The following ZKSCAN2 variants were observed in gnomAD, a reference collection of about 807,000 sequenced individuals.
ZKSCAN2 encodes zinc finger with KRAB and SCAN domains 2, also known as zinc finger protein with KRAB and SCAN domains 2.
Under a neutral mutation model 90.5 loss-of-function variants are expected in ZKSCAN2, and 38 were observed. The observed-to-expected ratio is 0.42, with a 90% CI of 0.32 to 0.55. The LOEUF (loss-of-function observed/expected upper bound fraction) is 0.55. Among genes scored for constraint, ZKSCAN2 ranks in the 20% least tolerant of loss-of-function variants. The pLI is 0.11. For synonymous variants in ZKSCAN2, 429 were observed against 421.6 expected (o/e 1.02, Z -0.22); for missense variants, 1,167 against 1,202.6 (o/e 0.97, Z 0.44).
rs557796121 is a variant in ZKSCAN2 at position 25,257,187 on chromosome 16, A to C, written c.-60T>G. ...AAGGTGGGGACCCAAAGAAGACTCC[A>C]AGCGCTCCCTGCTTAATGTTCCTGG... On this transcript the variant is annotated 5_prime_UTR_variant, in exon 1 of 7. Coordinates refer to ENST00000328086, the MANE Select transcript of ZKSCAN2 (RefSeq NM_001012981.5). 4.5e-5 allele frequency: 68 copies of C among 1,523,318 alleles called. No homozygotes were observed. In the Admixed American group the frequency reaches 1.5e-3, roughly 33 times the overall value. 94.4% of individuals were successfully genotyped at this position (1,523,318 alleles called of 1,614,324 possible).
rs1364393717 is a variant in ZKSCAN2 at position 25,237,375 on chromosome 16, AG to A, written c.*2440del. On this transcript the variant is annotated 3_prime_UTR_variant, in exon 7 of 7. Coordinates refer to ENST00000328086, the MANE Select transcript of ZKSCAN2 (RefSeq NM_001012981.5). ...CCCATTTACAATTAGGAGTAGAGAT[AG>A]GGGAACCCAAATTCCACCTCAGCTT... 3.9e-5 allele frequency: 6 copies of A among 152,350 alleles called. No individual in the cohort carries two copies. The highest frequency in any genetic ancestry group is 1.4e-4 in the African/African-American group (6 of 41,572). 9.4% of individuals were successfully genotyped at this position (152,350 alleles called of 1,614,324 possible).
rs1962951058 is a variant in ZKSCAN2 at position 25,247,397 on chromosome 16, T to C, written c.806-7A>G. 1 of 1,592,442 alleles carries C rather than the reference T, an allele frequency of 6.3e-7. No homozygotes were observed. Among genetic ancestry groups the C allele is most frequent in the Non-Finnish European group, 8.5e-7 (1 of 1,172,422 alleles). ...GATGTAGACACTGCACTTCCTACAG[T>C]AAAATAAACATATTTCATGGTAGAC... On this transcript the variant is annotated splice_polypyrimidine_tract_variant and splice_region_variant and intron_variant, in intron 4 of 6. Transcript: ENST00000328086.
In ZKSCAN2 at chr16:25,246,811, TCCA is replaced by T. The variant is rs767985862; in HGVS notation, c.1382_1384del (p.Val461del). ...AGAATCTTCTGCAGCTTCCTCCTCC[TCCA>T]CCAAGCTGATGTGTTCCTTAGCACT... On this transcript the variant is annotated inframe_deletion, in exon 5 of 7. Transcript: ENST00000328086. 1.1e-5 allele frequency: 18 copies of T among 1,614,062 alleles called. No individual in the cohort carries two copies. The highest frequency in any genetic ancestry group is 1.4e-5 in the Non-Finnish European group (17 of 1,180,036).
intron 4 of ZKSCAN2, among the ~76,000 whole-genome samples, chr16:25,248,887 C>G (rs1349744698): frequency 6.6e-6 from 1 of 152,182 alleles, no homozygotes; most frequent in African/African-American, 2.4e-5. Flanking sequence ...GATACGGAAG[C>G]AACCAGGAGG....
chr16:25,253,124 T>C, intron 2 of ZKSCAN2, 87 bp from the exon 3 acceptor site: 1 of 970,026 alleles, frequency 1.0e-6, no homozygotes, highest in Non-Finnish European at 1.7e-6. Context: ...GAGTATGTAT[T>C]GAAACACCAA....
rs890835588 is a variant in ZKSCAN2, at chr16:25,238,254, A to G, written c.*1562T>C. The stretch of plus-strand genomic sequence containing the variant: ...AGGGAGAGAGAAGAGCAAAATAATC[A>G]CCCACAAACAGCCCTAACTCCGGTT... On this transcript the variant is annotated 3_prime_UTR_variant, in exon 7 of 7. Coordinates refer to ENST00000328086, the MANE Select transcript of ZKSCAN2 (RefSeq NM_001012981.5). 1 of 152,212 alleles carries G rather than the reference A, an allele frequency of 6.6e-6. No homozygotes were observed. The highest frequency in any genetic ancestry group is 1.5e-5 in the Non-Finnish European group (1 of 68,014). 9.4% of individuals were successfully genotyped at this position (152,212 alleles called of 1,614,324 possible). A position where few individuals can be genotyped will look rare whatever the true frequency, so the allele number is the denominator to read the frequency against.
In ZKSCAN2 at chr16:25,240,690, T is replaced by C. The variant is rs745650819; in HGVS notation, c.2030A>G (p.Tyr677Cys). 4 of 1,614,034 alleles carry C rather than the reference T, an allele frequency of 2.5e-6. No homozygotes were observed. Among genetic ancestry groups the C allele is most frequent in the Admixed American group, 3.3e-5 (2 of 60,006 alleles). Reference protein sequence around the residue: ...SIKEDPTQIVYKDMEQHRALI... With the variant: ...SIKEDPTQIVCKDMEQHRALI... Reference sequence around the variant, plus strand: ...TGCCCTATGCTGTTCCATGTCCTTATATACTATCTGTGTTGGATCCTCCTT... The same window carrying C: ...TGCCCTATGCTGTTCCATGTCCTTACATACTATCTGTGTTGGATCCTCCTT... Residue 677 changes from tyrosine (Y) to cysteine (C), a missense_variant, in exon 7 of 7, where the codon TAT (tyrosine) becomes TGT (cysteine). Physicochemically the swap from Tyr to Cys is radical, Grantham distance 194. Coordinates refer to ENST00000328086, the MANE Select transcript of ZKSCAN2 (RefSeq NM_001012981.5).
At chr16:25,252,325 G>A (rs908834770) in intron 3 of ZKSCAN2, among the ~76,000 whole-genome samples, 2 of 152,076 alleles carry the variant, frequency 1.3e-5, no homozygotes, top group East Asian at 1.9e-4. Context: ...TTTACAGTAA[G>A]TAAAGTAAGT....
intron 6 of ZKSCAN2, among the ~76,000 whole-genome samples, chr16:25,243,334 C>CT (rs1232586527): frequency 6.6e-6 from 1 of 152,108 alleles, no homozygotes; most frequent in East Asian, 1.9e-4. Flanking sequence ...AGAACAGGAA[C>CT]TTTGTTTTTT....
In ZKSCAN2 at chr16:25,247,212, C is replaced by T. The variant is rs750294876; in HGVS notation, c.984G>A (p.Gln328=). Residue 328 remains glutamine, a synonymous_variant, in exon 5 of 7, where the codon CAG becomes CAA. Coordinates refer to ENST00000328086, the MANE Select transcript of ZKSCAN2 (RefSeq NM_001012981.5). ...TTTCATCTTCTAAACCCCACTGCTG[C>T]TGCTCTCTCCATGTTTTTCCTGCAC... is the stretch of plus-strand genomic sequence containing the variant. ...ARSAGKTWRE[Q]QQWGLEDEKI... is the part of the protein sequence containing the mutation. 1.9e-6 allele frequency: 3 copies of T among 1,614,226 alleles called. No homozygotes were observed. The highest frequency in any genetic ancestry group is 8.5e-7 in the Non-Finnish European group (1 of 1,180,034).
chr16:25,255,470 AAAG>A (rs1963087150), intron 1 of ZKSCAN2, 78 bp from the exon 2 acceptor site: 4 of 1,438,414 alleles, frequency 2.8e-6, no homozygotes, highest in Non-Finnish European at 3.7e-6. Context: ...GAAAGACATC[AAAG>A]AAGGACAGAG....
chr16:25,242,650 T>G (rs1051914773), intron 6 of ZKSCAN2, among the ~76,000 whole-genome samples: 1 of 152,104 alleles, frequency 6.6e-6, no homozygotes, highest in African/African-American at 2.4e-5. Flanking sequence ...AAGCTAAAGT[T>G]TGGATGTGAA....
intron 2 of ZKSCAN2, among the ~76,000 whole-genome samples, chr16:25,254,107 AG>A (rs1412886498): frequency 2.6e-5 from 4 of 152,362 alleles, no homozygotes; most frequent in Middle Eastern, 3.4e-3. Context: ...TGGCAGAGCT[AG>A]GTTTTGAATC....
chr16:25,255,542 CT>C, intron 1 of ZKSCAN2, 150 bp from the exon 2 acceptor site: 1 of 770,810 alleles, frequency 1.3e-6, no homozygotes, highest in Non-Finnish European at 2.0e-6. Context: ...GAGCGCTGGG[CT>C]GAGAGTACTG....
intron 4 of ZKSCAN2, among the ~76,000 whole-genome samples, chr16:25,248,650 T>C (rs114099831): frequency 0.011 from 1,675 of 152,096 alleles, 35 homozygotes; most frequent in African/African-American, 0.038. Flanking sequence ...GAGACAAAAA[T>C]AAGAAGTGTT....
chr16:25,253,439 CCTCTCTCT>C (rs151086073), intron 2 of ZKSCAN2, among the ~76,000 whole-genome samples: 10 of 144,566 alleles, frequency 6.9e-5, no homozygotes, highest in African/African-American at 1.5e-4. Flanking sequence ...TTTCTCCCTT[CCTCTCTCT>C]CTCTCTCTCT....
In ZKSCAN2 at chr16:25,237,209, A is replaced by ATTATTCATTTTGACT. The variant is rs544968779; in HGVS notation, c.*2592_*2606dup. ...TAAAAGACACATTGGTCAGAACATG[A>ATTATTCATTTTGACT]TTATTCATTTTGACTTACATGTACC... On this transcript the variant is annotated 3_prime_UTR_variant, in exon 7 of 7. Coordinates refer to ENST00000328086, the MANE Select transcript of ZKSCAN2 (RefSeq NM_001012981.5). 1.8e-4 allele frequency: 27 copies of ATTATTCATTTTGACT among 152,386 alleles called. No homozygotes were observed. In the East Asian group the frequency reaches 3.9e-3, roughly 22 times the overall value. The allele number at this position is 152,386 out of a possible 1,614,324, so 9.4% of individuals were successfully genotyped here.
Position 25,257,167 on chromosome 16 carries a change from G to A in ZKSCAN2, c.-40C>T, listed in dbSNP as rs750974611. The stretch of plus-strand genomic sequence containing the variant: ...GTCAACTTCACGTCTAGCTCAAGGT[G>A]GGGACCCAAAGAAGACTCCAAGCGC... On this transcript the variant is annotated 5_prime_UTR_variant, in exon 1 of 7. Transcript: ENST00000328086. 25 of 1,540,974 alleles carry A rather than the reference G, an allele frequency of 1.6e-5. No individual in the cohort carries two copies. The highest frequency in any genetic ancestry group is 1.1e-4 in the South Asian group (9 of 79,026).
chr16:25,257,174 C>T lies in ZKSCAN2; in HGVS notation c.-47G>A, dbSNP rs930602003. On this transcript the variant is annotated 5_prime_UTR_variant, in exon 1 of 7. Transcript: ENST00000328086. ...TCACGTCTAGCTCAAGGTGGGGACCCAAAGAAGACTCCAAGCGCTCCCTGC... is the reference window on the plus strand; with the variant it reads ...TCACGTCTAGCTCAAGGTGGGGACCTAAAGAAGACTCCAAGCGCTCCCTGC... 6.8e-7 allele frequency: 1 copy of T among 1,479,594 alleles called. No homozygotes were observed. The highest frequency in any genetic ancestry group is 1.3e-5 in the South Asian group (1 of 76,830). 91.7% of individuals were successfully genotyped at this position (1,479,594 alleles called of 1,614,324 possible). A position where few individuals can be genotyped will look rare whatever the true frequency, so the allele number is the denominator to read the frequency against.
Sources: allele counts gnomAD v4.1 joint callset (sites outside exome capture counted in the v4.1 genomes callset), GRCh38; gene constraint gnomAD v4.1.1; transcripts MANE v1.5; gene names NCBI Gene and HGNC (gene_info 2026-07-23, HGNC 2026-07-21).